COL10A1: variants seen among roughly 807,000 people sequenced by gnomAD.
COL10A1 encodes the protein collagen alpha-1(X) chain.
COL10A1 carries 10 observed loss-of-function variants against 18.2 expected under a neutral mutation model. That is an observed-to-expected ratio of 0.55 (90% CI 0.34 to 0.93). The LOEUF (loss-of-function observed/expected upper bound fraction) is 0.93, where lower values mean the gene tolerates loss of function less well. COL10A1 is among the 40% of genes least tolerant of loss of function. The pLI, the probability that COL10A1 is intolerant of heterozygous loss-of-function variation, is 0.02. For missense variants in COL10A1, 897 were observed against 853.5 expected (o/e 1.05, Z -0.64); for synonymous variants, 330 against 316.6 (o/e 1.04, Z -0.45).
At chr6:116,159,504 T>A (rs1041898349), upstream of COL10A1, among the ~76,000 whole-genome samples, 1 of 152,224 alleles carries the variant, frequency 6.6e-6, no homozygotes, top group Non-Finnish European at 1.5e-5. Flanking sequence ...TTCACCATTA[T>A]ATCTGTCGGG....
the COL10A1 span, among the ~76,000 whole-genome samples, chr6:116,171,732 G>A: frequency 6.6e-6 from 1 of 152,102 alleles, no homozygotes; most frequent in Admixed American, 6.6e-5. Flanking sequence ...AGTTTTTACG[G>A]TTTTCTCCCA....
chr6:116,216,222 A>G, the COL10A1 span, among the ~76,000 whole-genome samples: 2 of 152,190 alleles, frequency 1.3e-5, no homozygotes, highest in Non-Finnish European at 2.9e-5. Flanking sequence ...GGTAATAAAG[A>G]TACTATAAAA....
At chr6:116,166,455 G>T in the COL10A1 span, among the ~76,000 whole-genome samples, 2 of 152,188 alleles carry the variant, frequency 1.3e-5, no homozygotes, top group Non-Finnish European at 2.9e-5. Flanking sequence ...CACAATGGAA[G>T]AAGGATTTTG....
chr6:116,198,188 G>A, the COL10A1 span, among the ~76,000 whole-genome samples: 2 of 152,072 alleles, frequency 1.3e-5, no homozygotes, highest in Non-Finnish European at 2.9e-5. Flanking sequence ...AGGTCACTGA[G>A]TAGTGAACAA....
At chr6:116,172,784 CTT>C in the COL10A1 span, among the ~76,000 whole-genome samples, 1 of 152,070 alleles carries the variant, frequency 6.6e-6, no homozygotes, top group Non-Finnish European at 1.5e-5. Flanking sequence ...AGTCAAAACT[CTT>C]TTCACATCTG....
chr6:116,152,015 A>G (rs1167414888), intron 1 of COL10A1, among the ~76,000 whole-genome samples: 1 of 152,210 alleles, frequency 6.6e-6, no homozygotes, highest in Non-Finnish European at 1.5e-5. Context: ...ATTGACTAAG[A>G]TGCAGGATTA....
chr6:116,187,384 G>A, the COL10A1 span, among the ~76,000 whole-genome samples: 1 of 152,068 alleles, frequency 6.6e-6, no homozygotes, highest in African/African-American at 2.4e-5. Context: ...ATATGGAAAT[G>A]AAAAGGGCCA....
the COL10A1 span, among the ~76,000 whole-genome samples, chr6:116,174,483 T>A: frequency 9.2e-5 from 14 of 152,204 alleles, no homozygotes; most frequent in Admixed American, 2.6e-4. Context: ...ATAACTAGAT[T>A]AAATGTATTT....
At chr6:116,210,879 A>G in the COL10A1 span, among the ~76,000 whole-genome samples, 204 of 152,156 alleles carry the variant, frequency 1.3e-3, no homozygotes, top group Middle Eastern at 0.037. Flanking sequence ...GGCAGGAATC[A>G]CATAGAAGTA....
the COL10A1 span, among the ~76,000 whole-genome samples, chr6:116,177,979 C>A: frequency 6.6e-6 from 1 of 151,926 alleles, no homozygotes; most frequent in Non-Finnish European, 1.5e-5. Flanking sequence ...CCTTTCACTG[C>A]AGCATCAAGG....
the COL10A1 span, among the ~76,000 whole-genome samples, chr6:116,203,706 T>A: frequency 4.6e-5 from 7 of 151,968 alleles, no homozygotes; most frequent in Non-Finnish European, 8.8e-5. Flanking sequence ...TTTTCATGCC[T>A]ATTTACATGT....
chr6:116,152,164 A>G (rs1780058946), intron 1 of COL10A1, among the ~76,000 whole-genome samples: 1 of 152,182 alleles, frequency 6.6e-6, no homozygotes, highest in South Asian at 2.1e-4. Flanking sequence ...TTATACTTTC[A>G]GTATGGTTGA....
intron 1 of COL10A1, among the ~76,000 whole-genome samples, chr6:116,150,521 G>T (rs549572824): frequency 1.3e-5 from 2 of 152,154 alleles, no homozygotes; most frequent in Non-Finnish European, 2.9e-5. Flanking sequence ...GTGACCTCAA[G>T]TGATCCACCT....
intron 1 of COL10A1, among the ~76,000 whole-genome samples, chr6:116,135,863 A>ATATGTGTATATATATATATATATGTATG (rs1779584183): frequency 8.0e-6 from 1 of 124,918 alleles, no homozygotes; most frequent in African/African-American, 3.2e-5. Flanking sequence ...ATATATATAT[A>ATATGTGTATATATATATATATATGTATG]TATATATATA....
the COL10A1 span, among the ~76,000 whole-genome samples, chr6:116,176,433 G>C: frequency 6.6e-6 from 1 of 152,156 alleles, no homozygotes; most frequent in Non-Finnish European, 1.5e-5. Context: ...TGTACACCAG[G>C]GTCTTGGGGA....
At chr6:116,182,391 G>C in the COL10A1 span, among the ~76,000 whole-genome samples, 1 of 151,776 alleles carries the variant, frequency 6.6e-6, no homozygotes, top group Non-Finnish European at 1.5e-5. Context: ...TTTTCCTCTG[G>C]GTAGATACTC....
chr6:116,178,104 TGC>T, the COL10A1 span, among the ~76,000 whole-genome samples: 3,076 of 100,992 alleles, frequency 0.03, 131 homozygotes, highest in African/African-American at 0.11. Flanking sequence ...CGCGCGCGCG[TGC>T]GTGCGTGTGT....
the COL10A1 span, among the ~76,000 whole-genome samples, chr6:116,171,774 T>G: frequency 6.6e-6 from 1 of 152,232 alleles, no homozygotes; most frequent in Non-Finnish European, 1.5e-5. Flanking sequence ...GTTGAGCAAT[T>G]GGGGTACAGA....
the COL10A1 span, among the ~76,000 whole-genome samples, chr6:116,178,987 C>G: frequency 1.5e-4 from 23 of 152,286 alleles, no homozygotes; most frequent in Non-Finnish European, 4.4e-5. Flanking sequence ...ATTATTCTAT[C>G]CTCATCTTCA....
Sources: gnomAD v4.1 joint callset for allele counts (sites outside exome capture counted in the v4.1 genomes callset) on GRCh38, gnomAD v4.1.1 for gene constraint, MANE v1.5 for transcripts, NCBI Gene and HGNC (gene_info 2026-07-23, HGNC 2026-07-21) for gene names.